The following PPP2R3A variants were observed in gnomAD, a reference collection of about 807,000 sequenced individuals.
The protein encoded by PPP2R3A is serine/threonine-protein phosphatase 2A regulatory subunit B'' subunit alpha.
A neutral mutation model predicts 106.9 loss-of-function variants in PPP2R3A; 80 were observed. The ratio of observed to expected loss-of-function variants is 0.75; its 90% confidence interval spans 0.62 to 0.90. PPP2R3A has a LOEUF of 0.90. PPP2R3A is among the 40% of genes least tolerant of loss of function. PPP2R3A has a pLI of 0.00. For missense variants in PPP2R3A, 1,386 were observed against 1,350.4 expected, an observed-to-expected ratio of 1.03 and a Z score of -0.41; for synonymous variants, 483 against 468.3, an observed-to-expected ratio of 1.03 and a Z score of -0.41.
intron 13 of PPP2R3A, among the ~76,000 whole-genome samples, chr3:136,114,034 C>T (rs574460803): frequency 2.0e-5 from 3 of 152,284 alleles, no homozygotes; most frequent in Non-Finnish European, 1.5e-5. Context: ...ACACAGAAGG[C>T]AGGTGATTTC....
intron 2 of PPP2R3A, among the ~76,000 whole-genome samples, chr3:136,022,503 T>G (rs756708556): frequency 6.6e-6 from 1 of 152,132 alleles, no homozygotes; most frequent in Non-Finnish European, 1.5e-5. Flanking sequence ...CTATTCTTAA[T>G]AGTTTCAAAT....
chr3:136,060,352 A>G (rs1374581804), intron 5 of PPP2R3A, among the ~76,000 whole-genome samples: 2 of 152,220 alleles, frequency 1.3e-5, no homozygotes, highest in Admixed American at 6.5e-5. Flanking sequence ...GGTAATTACC[A>G]AATAATATGG....
chr3:136,072,176 G>A (rs567119613), intron 6 of PPP2R3A, among the ~76,000 whole-genome samples: 20 of 151,848 alleles, frequency 1.3e-4, no homozygotes, highest in East Asian at 1.9e-4. Flanking sequence ...GTCCATCTCC[G>A]TCTCTATAAT....
intron 1 of PPP2R3A, among the ~76,000 whole-genome samples, chr3:135,978,736 C>T (rs999072396): frequency 6.6e-6 from 1 of 151,674 alleles, no homozygotes; most frequent in Admixed American, 6.6e-5. Context: ...TTTATAAGCT[C>T]GAAAATGTAA....
At chr3:136,100,815 G>A (rs1937342174) in intron 10 of PPP2R3A, among the ~76,000 whole-genome samples, 1 of 152,104 alleles carries the variant, frequency 6.6e-6, no homozygotes, top group Admixed American at 6.6e-5. Context: ...GCAGCAGAGT[G>A]AGACCCCATC....
intron 2 of PPP2R3A, among the ~76,000 whole-genome samples, chr3:136,009,039 A>G (rs1390215282): frequency 1.3e-5 from 2 of 150,916 alleles, no homozygotes; most frequent in East Asian, 3.9e-4. Flanking sequence ...AACCCTCCCA[A>G]CTCCTGAAAT....
intron 2 of PPP2R3A, among the ~76,000 whole-genome samples, chr3:136,024,880 T>C (rs556660058): frequency 2.6e-5 from 4 of 152,170 alleles, no homozygotes; most frequent in African/African-American, 9.6e-5. Flanking sequence ...CTTTGAAGAA[T>C]AATAATAATT....
rs368735046 is a variant in PPP2R3A at position 135,989,401 on chromosome 3, C to T, written c.-440-11658C>T. Among the ~76,000 whole-genome samples, 7 of 152,216 alleles carry T rather than the reference C, an allele frequency of 4.6e-5. No homozygotes were observed. The East Asian group carries it at 7.7e-4, about 17-fold the overall frequency. On this transcript the variant is annotated intron_variant, in intron 1 of 13. Transcript: ENST00000264977. The stretch of plus-strand genomic sequence containing the variant: ...CTTGGTTTTTCCCTGGCAGTCCACC[C>T]GCTGTTTTTAGTTGTCTCAGTGCTT...
chr3:135,973,798 T>C (rs999337628), intron 1 of PPP2R3A, among the ~76,000 whole-genome samples: 3 of 152,206 alleles, frequency 2.0e-5, no homozygotes, highest in Non-Finnish European at 2.9e-5. Flanking sequence ...AATTTATCAC[T>C]ATGTGCCAGG....
chr3:135,967,015 G>A (rs1284986172), intron 1 of PPP2R3A, among the ~76,000 whole-genome samples: 1 of 151,602 alleles, frequency 6.6e-6, no homozygotes, highest in African/African-American at 2.4e-5. Context: ...TTTTCTTGGT[G>A]GTATGTTAAA....
intron 5 of PPP2R3A, among the ~76,000 whole-genome samples, chr3:136,053,618 C>G (rs1263871599): frequency 6.6e-6 from 1 of 152,220 alleles, no homozygotes; most frequent in Non-Finnish European, 1.5e-5. Flanking sequence ...CATTTATTCA[C>G]AAGCATAAAC....
At chr3:135,983,110 G>T (rs1937560892) in intron 1 of PPP2R3A, among the ~76,000 whole-genome samples, 1 of 152,132 alleles carries the variant, frequency 6.6e-6, no homozygotes, top group African/African-American at 2.4e-5. Context: ...CATATCCAGG[G>T]CAGGAGCTAA....
At chr3:136,045,860 A>G (rs1331863024) in intron 4 of PPP2R3A, among the ~76,000 whole-genome samples, 1 of 152,184 alleles carries the variant, frequency 6.6e-6, no homozygotes, top group African/African-American at 2.4e-5. Flanking sequence ...TGCCTGAGAA[A>G]ACCCAGTACA....
chr3:136,131,018 T>G (rs147769424), intron 13 of PPP2R3A, among the ~76,000 whole-genome samples: 1,686 of 152,302 alleles, frequency 0.011, 32 homozygotes, highest in East Asian at 0.048. Context: ...CAAGATGGAT[T>G]AAAGACTTAA....
chr3:136,049,293 T>C lies in PPP2R3A; in HGVS notation c.2401T>C (p.Phe801Leu), dbSNP rs753932551. The change falls in exon 5 of 14, where the codon TTC (phenylalanine) becomes CTC (leucine). Residue 801 changes from phenylalanine (F) to leucine (L), a missense_variant. Coordinates refer to ENST00000264977, the MANE Select transcript of PPP2R3A (RefSeq NM_002718.5). ...TAACCATCATGATGATGCCTCTAAA[T>C]TCATCTGTCTTCTAGCAAAGCCCAA... Reference protein sequence around the residue: ...LNNHHDDASKFICLLAKPNCS... With the variant: ...LNNHHDDASKLICLLAKPNCS... 9 of 1,613,802 alleles carry C rather than the reference T, an allele frequency of 5.6e-6. No individual in the cohort carries two copies. Among genetic ancestry groups the C allele is most frequent in the Non-Finnish European group, 7.6e-6 (9 of 1,179,820 alleles).
intron 13 of PPP2R3A, among the ~76,000 whole-genome samples, chr3:136,142,600 C>CT (rs758776634): frequency 1.3e-5 from 2 of 152,190 alleles, no homozygotes; most frequent in African/African-American, 2.4e-5. Flanking sequence ...CTTTTATAGT[C>CT]TGACTCCAAA....
At chr3:136,117,320 TAAAAG>T in intron 13 of PPP2R3A, among the ~76,000 whole-genome samples, 1 of 151,814 alleles carries the variant, frequency 6.6e-6, no homozygotes, top group East Asian at 1.9e-4. Context: ...ACATCACAAT[TAAAAG>T]AACTAGAGAA....
intron 13 of PPP2R3A, among the ~76,000 whole-genome samples, chr3:136,128,886 A>G (rs1249452301): frequency 2.6e-5 from 4 of 152,328 alleles, no homozygotes; most frequent in Admixed American, 6.5e-5. Context: ...GCTCAACTAC[A>G]TGGAAACTAA....
intron 2 of PPP2R3A, among the ~76,000 whole-genome samples, chr3:136,003,879 G>A (rs960309181): frequency 2.0e-5 from 3 of 152,136 alleles, no homozygotes; most frequent in African/African-American, 4.8e-5. Flanking sequence ...AATATTAGTC[G>A]TCACCCTCCC....
Sources: allele counts gnomAD v4.1 joint callset (sites outside exome capture counted in the v4.1 genomes callset), GRCh38; gene constraint gnomAD v4.1.1; transcripts MANE v1.5; gene names NCBI Gene and HGNC (gene_info 2026-07-23, HGNC 2026-07-21).